The following CSNK1G1 variants were observed in gnomAD, a reference collection of about 807,000 sequenced individuals.
CSNK1G1 encodes casein kinase I isoform gamma-1.
Under a neutral mutation model 59.6 loss-of-function variants are expected in CSNK1G1, and 22 were observed. The observed-to-expected ratio is 0.37, with a 90% CI of 0.26 to 0.53. The LOEUF is 0.53. Ranked by LOEUF, CSNK1G1 falls within the 20% of genes least tolerant of loss-of-function variation. CSNK1G1 has a pLI of 0.89. For synonymous variants in CSNK1G1, 179 were observed against 177.1 expected (o/e 1.01, Z -0.08); for missense variants, 384 against 519.5 (o/e 0.74, Z 2.54).
At chr15:64,351,877 A>G (rs1898309380) in intron 1 of CSNK1G1, among the ~76,000 whole-genome samples, 1 of 152,206 alleles carries the variant, frequency 6.6e-6, no homozygotes, top group African/African-American at 2.4e-5. Flanking sequence ...TCAAAAACAA[A>G]AAAGATTTTT....
At chr15:64,202,189 T>C (rs1337311919) in intron 10 of CSNK1G1, among the ~76,000 whole-genome samples, 1 of 152,178 alleles carries the variant, frequency 6.6e-6, no homozygotes, top group African/African-American at 2.4e-5. Flanking sequence ...TCTCAAATCT[T>C]GACCAGCTCT....
chr15:64,341,358 T>G (rs1897672385), intron 1 of CSNK1G1, among the ~76,000 whole-genome samples: 2 of 152,150 alleles, frequency 1.3e-5, no homozygotes, highest in Admixed American at 1.3e-4. Flanking sequence ...CAGGATGGTC[T>G]CAATCTCCTG....
chr15:64,216,410 C>A lies in CSNK1G1; in HGVS notation c.444+152G>T. 1.4e-6 allele frequency: 1 copy of A among 709,408 alleles called. No individual in the cohort carries two copies. The highest frequency in any genetic ancestry group is 2.3e-6 in the Non-Finnish European group (1 of 436,192). 43.9% of individuals were successfully genotyped at this position (709,408 alleles called of 1,614,324 possible). On this transcript the variant is annotated intron_variant, in intron 5 of 11. Coordinates refer to ENST00000303052, the MANE Select transcript of CSNK1G1 (RefSeq NM_022048.5). The surrounding 1 kb of genome is among the most constrained non-coding windows in gnomAD (Gnocchi z 4.6). Reference sequence around the variant, plus strand: ...TGTAGTGTGACTTCTCTGAATTTACCCTTTTTGCCCCAGCCAGCTTCCCAG... The same window carrying A: ...TGTAGTGTGACTTCTCTGAATTTACACTTTTTGCCCCAGCCAGCTTCCCAG...
At chr15:64,335,710 A>T (rs1897354305) in intron 1 of CSNK1G1, 1 of 152,180 alleles carries the variant, frequency 6.6e-6, no homozygotes, top group African/African-American at 2.4e-5. Context: ...TCTAATGTTG[A>T]TGGAAACAAT....
intron 1 of CSNK1G1, among the ~76,000 whole-genome samples, chr15:64,345,811 G>T (rs1381243997): frequency 4.7e-5 from 7 of 150,136 alleles, no homozygotes; most frequent in Non-Finnish European, 1.0e-4. Context: ...ATTTTTTTTT[G>T]AGATGGAGTC....
intron 1 of CSNK1G1, among the ~76,000 whole-genome samples, chr15:64,337,629 CTTTG>C (rs1897458228): frequency 6.6e-6 from 1 of 152,092 alleles, no homozygotes. Flanking sequence ...ACCCACCTGG[CTTTG>C]TTTTTTACTG....
intron 10 of CSNK1G1, among the ~76,000 whole-genome samples, chr15:64,193,559 C>T (rs368672349): frequency 1.5e-4 from 23 of 151,480 alleles, no homozygotes; most frequent in East Asian, 5.8e-4. Context: ...GAAACATAAC[C>T]AGTTTTCCCA....
intron 11 of CSNK1G1, among the ~76,000 whole-genome samples, chr15:64,173,694 C>T (rs2081705551): frequency 6.9e-6 from 1 of 144,266 alleles, no homozygotes; most frequent in South Asian, 2.2e-4. Context: ...GCCATCTCTG[C>T]TCACTGCAAC....
chr15:64,345,328 C>T (rs911219756), intron 1 of CSNK1G1, among the ~76,000 whole-genome samples: 1 of 152,178 alleles, frequency 6.6e-6, no homozygotes. Flanking sequence ...CCCATGGAAG[C>T]GCTTCCTATT....
chr15:64,236,437 AAAC>A (rs2082618101), intron 4 of CSNK1G1, among the ~76,000 whole-genome samples: 1 of 152,206 alleles, frequency 6.6e-6, no homozygotes, highest in African/African-American at 2.4e-5. Context: ...CAAGGAACTC[AAAC>A]AACAAAACCC....
At chr15:64,303,253 CA>C (rs1205938122) in intron 1 of CSNK1G1, among the ~76,000 whole-genome samples, 32 of 106,950 alleles carry the variant, frequency 3.0e-4, no homozygotes, top group East Asian at 2.4e-3. Context: ...AAAAAAAAAA[CA>C]AAAAAAAAAT....
At chr15:64,225,006 C>CTTTTT (rs750533422) in intron 4 of CSNK1G1, among the ~76,000 whole-genome samples, 11 of 121,854 alleles carry the variant, frequency 9.0e-5, no homozygotes, top group Non-Finnish European at 8.5e-5. Context: ...ATACACTTTT[C>CTTTTT]TTTTTTTTTT....
chr15:64,286,359 T>A (rs796935574), intron 2 of CSNK1G1, among the ~76,000 whole-genome samples: 122 of 138,414 alleles, frequency 8.8e-4, no homozygotes, highest in African/African-American at 2.6e-3. Flanking sequence ...ATTGTTAACA[T>A]GTTATTGTTA....
rs1475313789 is a variant in CSNK1G1 at position 64,356,125 on chromosome 15, G to C, written c.-362C>G. 1 of 152,226 alleles carries C rather than the reference G, an allele frequency of 6.6e-6. No homozygotes were observed. The highest frequency in any genetic ancestry group is 1.5e-5 in the Non-Finnish European group (1 of 68,044). 9.4% of individuals were successfully genotyped at this position (152,226 alleles called of 1,614,324 possible). ...GAGGGAGGGGAGAAGGCGGACGGGA[G>C]GGGGAAGGCGAGGAGCCGAGGGGCG... is the stretch of plus-strand genomic sequence containing the variant. On this transcript the variant is annotated 5_prime_UTR_variant, in exon 1 of 12. Transcript: ENST00000303052.
At chr15:64,271,159 TG>T (rs1176961106) in intron 2 of CSNK1G1, among the ~76,000 whole-genome samples, 1 of 152,036 alleles carries the variant, frequency 6.6e-6, no homozygotes, top group Non-Finnish European at 1.5e-5. Flanking sequence ...AGCTAATTTT[TG>T]TATTTTTAGT....
chr15:64,180,701 G>A lies in CSNK1G1; in HGVS notation c.1108-247C>T, dbSNP rs543718675. 1.3e-4 allele frequency among the ~76,000 whole-genome samples: 20 copies of A among 152,306 alleles called. No homozygotes were observed. In the East Asian group the frequency reaches 3.9e-3, roughly 29 times the overall value. ...CGTGTCTGACACTCTGCTACATTGTGTGTGTAAATCTAATCCTTACAAAAA... is the reference window on the plus strand; with the variant it reads ...CGTGTCTGACACTCTGCTACATTGTATGTGTAAATCTAATCCTTACAAAAA... On this transcript the variant is annotated intron_variant, in intron 10 of 11. Transcript: ENST00000303052.
intron 10 of CSNK1G1, among the ~76,000 whole-genome samples, chr15:64,189,133 T>A (rs868499255): frequency 1.3e-4 from 19 of 147,810 alleles, no homozygotes; most frequent in Middle Eastern, 3.5e-3. Flanking sequence ...CTCGAAAAAA[T>A]AATAATAATA....
intron 2 of CSNK1G1, among the ~76,000 whole-genome samples, chr15:64,299,884 C>A (rs1566938603): frequency 6.6e-6 from 1 of 152,136 alleles, no homozygotes; most frequent in Non-Finnish European, 1.5e-5. Context: ...CTGGGTATTA[C>A]TGAGTAAGGA....
At chr15:64,283,091 C>T (rs909731693) in intron 2 of CSNK1G1, among the ~76,000 whole-genome samples, 1 of 152,110 alleles carries the variant, frequency 6.6e-6, no homozygotes, top group Non-Finnish European at 1.5e-5. Context: ...GCACCAAAAT[C>T]TCAGAAATCA....
Sources: gnomAD v4.1 joint callset for allele counts (sites outside exome capture counted in the v4.1 genomes callset) on GRCh38, gnomAD v4.1.1 for gene constraint, Gnocchi (gnomAD v3.1) non-coding constraint, MANE v1.5 for transcripts, NCBI Gene and HGNC (gene_info 2026-07-23, HGNC 2026-07-21) for gene names.